Variants in NUAK1 observed in about 807,000 individuals in gnomAD.
NUAK1 encodes the protein NUAK family SNF1-like kinase 1.
In NUAK1, 26 loss-of-function variants were observed where a neutral mutation model predicts 56.9. That is an observed-to-expected ratio of 0.46 (90% CI 0.33 to 0.63). NUAK1 has a LOEUF of 0.63. NUAK1 is among the 30% of genes least tolerant of loss of function. The pLI, the probability that NUAK1 is intolerant of heterozygous loss-of-function variation, is 0.02. For synonymous variants in NUAK1, 337 were observed against 336.0 expected, an observed-to-expected ratio of 1.00 and a Z score of -0.03; for missense variants, 727 against 876.1, an observed-to-expected ratio of 0.83 and a Z score of 2.15.
At chr12:106,134,867 T>G (rs1009166846) in intron 1 of NUAK1, among the ~76,000 whole-genome samples, 9 of 152,212 alleles carry the variant, frequency 5.9e-5, no homozygotes, top group Non-Finnish European at 8.8e-5. Context: ...TATCTCATCT[T>G]CCTATGGACA....
At chr12:106,119,922 A>C (rs2032956462) in intron 1 of NUAK1, among the ~76,000 whole-genome samples, 1 of 152,204 alleles carries the variant, frequency 6.6e-6, no homozygotes, top group African/African-American at 2.4e-5. Context: ...GATTTCCTGA[A>C]GAAATGCCTA....
chr12:106,095,686 C>T (rs2032690150), intron 2 of NUAK1, among the ~76,000 whole-genome samples: 1 of 152,180 alleles, frequency 6.6e-6, no homozygotes. Flanking sequence ...TGGCAGAGTC[C>T]ACACCCAAGG....
At chr12:106,129,618 T>C (rs980257869) in intron 1 of NUAK1, among the ~76,000 whole-genome samples, 3 of 151,990 alleles carry the variant, frequency 2.0e-5, no homozygotes, top group Admixed American at 6.6e-5. Flanking sequence ...TTGGGTCCCA[T>C]GCAACCATGG....
intron 2 of NUAK1, among the ~76,000 whole-genome samples, chr12:106,099,547 T>C (rs778193723): frequency 3.3e-5 from 5 of 152,178 alleles, no homozygotes; most frequent in Non-Finnish European, 7.3e-5. Context: ...CCAAATGACC[T>C]GGTTAGTATC....
At chr12:106,075,084 G>A (rs2032447167) in intron 4 of NUAK1, among the ~76,000 whole-genome samples, 1 of 152,154 alleles carries the variant, frequency 6.6e-6, no homozygotes, top group South Asian at 2.1e-4. Context: ...CACACCAGGA[G>A]TTTTCATTCC....
chr12:106,134,462 G>C (rs2033109059), intron 1 of NUAK1, among the ~76,000 whole-genome samples: 1 of 152,220 alleles, frequency 6.6e-6, no homozygotes, highest in Non-Finnish European at 1.5e-5. Context: ...AGGGGCACCA[G>C]GGCAGACTGT....
chr12:106,109,862 G>C (rs1592858243), intron 1 of NUAK1, among the ~76,000 whole-genome samples: 1 of 152,198 alleles, frequency 6.6e-6, no homozygotes, highest in Admixed American at 6.5e-5. Context: ...TGCTAAATAA[G>C]TGTCAGTCTT....
At chr12:106,107,165 G>A (rs1394202386) in intron 1 of NUAK1, among the ~76,000 whole-genome samples, 1 of 152,142 alleles carries the variant, frequency 6.6e-6, no homozygotes, top group Non-Finnish European at 1.5e-5. Context: ...CAAAGGTAGT[G>A]ACAGCTCATC....
intron 2 of NUAK1, among the ~76,000 whole-genome samples, chr12:106,100,732 T>C (rs2032739087): frequency 6.6e-6 from 1 of 152,234 alleles, no homozygotes; most frequent in Admixed American, 6.5e-5. Flanking sequence ...CAGCTCAAGA[T>C]GATGGCTTCC....
chr12:106,111,198 C>T (rs1479598925), intron 1 of NUAK1, among the ~76,000 whole-genome samples: 1 of 152,146 alleles, frequency 6.6e-6, no homozygotes, highest in Non-Finnish European at 1.5e-5. Flanking sequence ...GGCCCCAGCA[C>T]ACAGTATTCA....
rs202168878 is a variant in NUAK1 at position 106,067,539 on chromosome 12, T to C, written c.1249A>G (p.Ile417Val). The change falls in exon 7 of 7, where the codon ATT becomes GTT. Residue 417 changes from isoleucine (I) to valine (V), a missense_variant. Physicochemically the swap from Ile to Val is conservative, Grantham distance 29. Transcript: ENST00000261402. This position sits in a 1 kb window ranked among gnomAD's most constrained non-coding sequence, Gnocchi z 6.0. ...SEHRSHSTGF[I>V]EGVVGPALPS... ...AAGGCAGGACCAACTACACCTTCAA[T>C]GAAGCCAGTGCTGTGAGAGCGATGC... is the stretch of plus-strand genomic sequence containing the variant. 9.9e-6 allele frequency: 16 copies of C among 1,614,230 alleles called. No individual in the cohort carries two copies. The highest frequency in any genetic ancestry group is 1.4e-5 in the Non-Finnish European group (16 of 1,180,034).
At chr12:106,092,839 C>T (rs2032650071) in intron 2 of NUAK1, among the ~76,000 whole-genome samples, 1 of 152,206 alleles carries the variant, frequency 6.6e-6, no homozygotes, top group Non-Finnish European at 1.5e-5. Context: ...TGACTCTCCA[C>T]CCCCTTCCTC....
At chr12:106,087,781 G>A (rs1322823760) in intron 2 of NUAK1, among the ~76,000 whole-genome samples, 4 of 152,308 alleles carry the variant, frequency 2.6e-5, no homozygotes, top group South Asian at 2.1e-4. Context: ...AAACTGGCAC[G>A]GCCTGCAATC....
intron 1 of NUAK1, among the ~76,000 whole-genome samples, chr12:106,117,878 T>C (rs1402749177): frequency 1.3e-5 from 2 of 152,226 alleles, no homozygotes; most frequent in Non-Finnish European, 2.9e-5. Flanking sequence ...CAGGAACTGC[T>C]GTGTTCCCCT....
At chr12:106,128,188 A>G (rs1168702544) in intron 1 of NUAK1, among the ~76,000 whole-genome samples, 1 of 145,918 alleles carries the variant, frequency 6.9e-6, no homozygotes, top group Non-Finnish European at 1.5e-5. Context: ...CTGGAGTGCA[A>G]TTGTGCAATC....
At chr12:106,128,799 C>T (rs2033048919) in intron 1 of NUAK1, among the ~76,000 whole-genome samples, 1 of 152,192 alleles carries the variant, frequency 6.6e-6, no homozygotes, top group Non-Finnish European at 1.5e-5. Context: ...CCACTTAGCG[C>T]CTTCCCCCTG....
rs1479666690 is a variant in NUAK1 at position 106,136,264 on chromosome 12, A to C, written c.240+2150T>G. Among the ~76,000 whole-genome samples, 3 of 152,200 alleles carry C rather than the reference A, an allele frequency of 2.0e-5. No homozygotes were observed. The East Asian group carries it at 5.8e-4, about 29-fold the overall frequency. Reference sequence around the variant, plus strand: ...TGGGGTAAAACAAGAGATTTAGCTGAAATTAATAGCACAATGGGAAAATGA... The same window carrying C: ...TGGGGTAAAACAAGAGATTTAGCTGCAATTAATAGCACAATGGGAAAATGA... On this transcript the variant is annotated intron_variant, in intron 1 of 6. Transcript: ENST00000261402.
chr12:106,110,603 C>T (rs2032849286), intron 1 of NUAK1, among the ~76,000 whole-genome samples: 2 of 152,158 alleles, frequency 1.3e-5, no homozygotes, highest in South Asian at 4.1e-4. Flanking sequence ...CACCCTCCAC[C>T]CCTAAAAATC....
At chr12:106,072,071 G>A (rs1015776149) in intron 5 of NUAK1, among the ~76,000 whole-genome samples, 1 of 152,150 alleles carries the variant, frequency 6.6e-6, no homozygotes, top group Non-Finnish European at 1.5e-5. Context: ...GAAAGCGCTA[G>A]CATGTAGGGA....
Sources: allele counts gnomAD v4.1 joint callset (sites outside exome capture counted in the v4.1 genomes callset), GRCh38; gene constraint gnomAD v4.1.1; non-coding constraint Gnocchi (gnomAD v3.1); transcripts MANE v1.5; gene names NCBI Gene and HGNC (gene_info 2026-07-23, HGNC 2026-07-21).